ASIC2: variants seen among roughly 807,000 people sequenced by gnomAD.
ASIC2 encodes acid sensing ion channel subunit 2.
Under a neutral mutation model 57.3 loss-of-function variants are expected in ASIC2, and 25 were observed. The ratio of observed to expected loss-of-function variants is 0.44; its 90% CI spans 0.32 to 0.61. ASIC2 has a LOEUF of 0.61. ASIC2 is among the 20% of genes least tolerant of loss of function. The pLI is 0.06. For missense variants in ASIC2, 641 were observed against 738.1 expected, an observed-to-expected ratio of 0.87 and a Z score of 1.52; for synonymous variants, 319 against 307.5, an observed-to-expected ratio of 1.04 and a Z score of -0.39.
In ASIC2 at chr17:34,040,313, C is replaced by T. The variant is rs183502064; in HGVS notation, c.555+115665G>A. On this transcript the variant is annotated intron_variant, in intron 1 of 9. Transcript: ENST00000359872. ...CTGCCTCCGGCCCCTTAATCCGGAT[C>T]GGTTCGGTCCGGATTAGTAGTGATC... Among the ~76,000 whole-genome samples, 857 of 147,646 alleles carry T rather than the reference C, an allele frequency of 5.8e-3. 28 individuals are homozygous for T. In the East Asian group the frequency reaches 0.084, roughly 14 times the overall value.
chr17:33,885,544 C>A (rs1350364951), intron 1 of ASIC2, among the ~76,000 whole-genome samples: 1 of 152,136 alleles, frequency 6.6e-6, no homozygotes, highest in Non-Finnish European at 1.5e-5. Context: ...ATATCATTAG[C>A]TCTACTTTGC....
At chr17:33,748,184 C>T (rs1234105129) in intron 1 of ASIC2, among the ~76,000 whole-genome samples, 1 of 152,190 alleles carries the variant, frequency 6.6e-6, no homozygotes, top group East Asian at 1.9e-4. Context: ...TCTTGCCCTC[C>T]TAGCCACCTG....
chr17:33,479,647 C>G (rs1287079731), intron 1 of ASIC2, among the ~76,000 whole-genome samples: 2 of 152,194 alleles, frequency 1.3e-5, no homozygotes, highest in Non-Finnish European at 2.9e-5. Context: ...TTCACAAAAG[C>G]CATGCAGTCA....
chr17:33,645,301 G>T (rs546191817), intron 1 of ASIC2, among the ~76,000 whole-genome samples: 10 of 152,300 alleles, frequency 6.6e-5, no homozygotes, highest in African/African-American at 1.9e-4. Flanking sequence ...AAGAAAAAAT[G>T]TTGGAAGTAG....
At chr17:34,120,969 A>AC (rs1179945586) in intron 1 of ASIC2, among the ~76,000 whole-genome samples, 1 of 151,748 alleles carries the variant, frequency 6.6e-6, no homozygotes, top group African/African-American at 2.4e-5. Flanking sequence ...TGAACTCCTG[A>AC]CCTCAAGTGA....
intron 1 of ASIC2, among the ~76,000 whole-genome samples, chr17:33,774,520 A>T (rs1156683723): frequency 6.6e-6 from 1 of 152,200 alleles, no homozygotes; most frequent in African/African-American, 2.4e-5. Context: ...TCAGCCTGCC[A>T]TCTCTATTTT....
intron 1 of ASIC2, among the ~76,000 whole-genome samples, chr17:33,917,355 C>T (rs1915606006): frequency 1.3e-5 from 2 of 152,198 alleles, no homozygotes; most frequent in African/African-American, 2.4e-5. Flanking sequence ...ACTTGCTTCT[C>T]CTCTTGACTT....
intron 1 of ASIC2, chr17:33,626,935 A>G (rs1906004064): frequency 6.6e-6 from 1 of 152,056 alleles, no homozygotes; most frequent in South Asian, 2.1e-4. Context: ...ATAAAAACAC[A>G]CACTCCTTAG....
At chr17:33,487,668 G>A (rs1913617591) in intron 1 of ASIC2, among the ~76,000 whole-genome samples, 1 of 152,218 alleles carries the variant, frequency 6.6e-6, no homozygotes, top group African/African-American at 2.4e-5. Context: ...CTCACTGGGA[G>A]AGGCAGACCA....
intron 3 of ASIC2, 89 bp downstream of exon 3, chr17:33,088,774 G>C: frequency 6.9e-7 from 1 of 1,452,574 alleles, no homozygotes; most frequent in Non-Finnish European, 9.1e-7. Flanking sequence ...GCCCTTGACC[G>C]AGTGGGAATT....
At chr17:33,987,382 G>C (rs1476985603) in intron 1 of ASIC2, among the ~76,000 whole-genome samples, 1 of 152,104 alleles carries the variant, frequency 6.6e-6, no homozygotes, top group African/African-American at 2.4e-5. Flanking sequence ...TTTATGGATG[G>C]GAGTGCAATT....
At chr17:33,331,740 T>C (rs942487701) in intron 1 of ASIC2, among the ~76,000 whole-genome samples, 1 of 152,364 alleles carries the variant, frequency 6.6e-6, no homozygotes, top group Admixed American at 6.5e-5. Flanking sequence ...TATTTCTACA[T>C]GGATAATATC....
intron 1 of ASIC2, among the ~76,000 whole-genome samples, chr17:33,421,558 G>A (rs1372245448): frequency 6.6e-6 from 1 of 152,194 alleles, no homozygotes; most frequent in East Asian, 1.9e-4. Flanking sequence ...TAAGGAGTTG[G>A]GTAGAATGGG....
chr17:33,237,907 C>T (rs1418326250), intron 1 of ASIC2, among the ~76,000 whole-genome samples: 4 of 152,170 alleles, frequency 2.6e-5, no homozygotes, highest in Non-Finnish European at 2.9e-5. Context: ...TAACCACCAA[C>T]GAGAACTTTT....
At chr17:33,748,801 G>A (rs1395428161) in intron 1 of ASIC2, among the ~76,000 whole-genome samples, 1 of 152,238 alleles carries the variant, frequency 6.6e-6, no homozygotes, top group Non-Finnish European at 1.5e-5. Context: ...TAAGTGATTA[G>A]TGTAATACTC....
At chr17:33,054,028 C>G (rs928678182) in intron 3 of ASIC2, among the ~76,000 whole-genome samples, 7 of 152,090 alleles carry the variant, frequency 4.6e-5, no homozygotes, top group African/African-American at 1.7e-4. Context: ...TACCTTTGCT[C>G]TCCTGTATCC....
chr17:33,873,325 G>T (rs1250750598), intron 1 of ASIC2, among the ~76,000 whole-genome samples: 2 of 152,214 alleles, frequency 1.3e-5, no homozygotes, highest in African/African-American at 4.8e-5. Flanking sequence ...TTCAGAGAGT[G>T]ATAAGTGCTT....
Position 33,023,983 on chromosome 17 carries a change from A to G in ASIC2, c.1227T>C (p.Cys409=). The part of the protein sequence containing the change: ...GLLAEKDSNY[C]LCRTPCNLTR... Reference sequence around the variant, plus strand: ...TTAGGTTGCAGGGTGTCCTGCAGAGACAGTAATTGCTGTCCTTTTCCGCCA... The same window carrying G: ...TTAGGTTGCAGGGTGTCCTGCAGAGGCAGTAATTGCTGTCCTTTTCCGCCA... Residue 409 remains cysteine, a synonymous_variant, in exon 6 of 10, where the codon TGT becomes TGC. Coordinates refer to ENST00000225823, the MANE Select transcript of ASIC2 (RefSeq NM_183377.2). The G allele has an allele frequency of 1.2e-6, 2 of 1,614,134 alleles. No homozygotes were observed. The highest frequency in any genetic ancestry group is 1.7e-6 in the Non-Finnish European group (2 of 1,180,034).
At chr17:33,412,564 A>G (rs1428535367) in intron 1 of ASIC2, among the ~76,000 whole-genome samples, 1 of 152,256 alleles carries the variant, frequency 6.6e-6, no homozygotes, top group East Asian at 1.9e-4. Flanking sequence ...AGGCACAGTC[A>G]GAATTAAAAT....
Sources: allele counts gnomAD v4.1 joint callset (sites outside exome capture counted in the v4.1 genomes callset), GRCh38; gene constraint gnomAD v4.1.1; transcripts MANE v1.5; gene names NCBI Gene and HGNC (gene_info 2026-07-23, HGNC 2026-07-21).